Variants in PXDNL observed in about 807,000 individuals in gnomAD.
PXDNL encodes peroxidasin like.
PXDNL carries 145 observed loss-of-function variants against 150.8 expected under a neutral mutation model. That is an observed-to-expected ratio of 0.96 (90% CI 0.84 to 1.10). The LOEUF (loss-of-function observed/expected upper bound fraction) is 1.10, where lower values mean the gene tolerates loss of function less well. PXDNL is among the 50% of genes least tolerant of loss of function. PXDNL has a pLI of 0.00. For missense variants in PXDNL, 2,087 were observed against 1,873.9 expected, an observed-to-expected ratio of 1.11 and a Z score of -2.10; for synonymous variants, 757 against 725.7, an observed-to-expected ratio of 1.04 and a Z score of -0.69.
At chr8:51,563,619 A>G (rs1412765183) in intron 3 of PXDNL, among the ~76,000 whole-genome samples, 1 of 151,968 alleles carries the variant, frequency 6.6e-6, no homozygotes, top group Admixed American at 6.6e-5. Context: ...AATTTACCCA[A>G]ATTGGGCCAA....
intron 19 of PXDNL, among the ~76,000 whole-genome samples, chr8:51,361,960 A>AAAAAAG (rs1563374212): frequency 7.4e-5 from 11 of 148,998 alleles, no homozygotes; most frequent in African/African-American, 2.5e-4. Flanking sequence ...AAAAAAAAAA[A>AAAAAAG]AAAAAGAAAA....
chr8:51,782,170 C>A (rs1043781562), intron 1 of PXDNL, among the ~76,000 whole-genome samples: 1 of 152,158 alleles, frequency 6.6e-6, no homozygotes, highest in Non-Finnish European at 1.5e-5. Context: ...TGGACTCTTA[C>A]AAGGGGCCTA....
At chr8:51,481,960 C>T (rs925827623) in intron 6 of PXDNL, among the ~76,000 whole-genome samples, 2 of 152,294 alleles carry the variant, frequency 1.3e-5, no homozygotes, top group Non-Finnish European at 2.9e-5. Context: ...GGGTTGGAGC[C>T]CCCAGACAGA....
intron 1 of PXDNL, among the ~76,000 whole-genome samples, chr8:51,756,994 C>T (rs2037109219): frequency 6.6e-6 from 1 of 152,082 alleles, no homozygotes; most frequent in Non-Finnish European, 1.5e-5. Flanking sequence ...GTGATTACTT[C>T]TTTTTGTCAA....
chr8:51,341,246 G>A (rs1332908632), intron 20 of PXDNL, among the ~76,000 whole-genome samples: 1 of 152,126 alleles, frequency 6.6e-6, no homozygotes, highest in Non-Finnish European at 1.5e-5. Context: ...TGTATTTATA[G>A]GCAACAATAC....
In PXDNL at chr8:51,483,843, AG is replaced by A; in HGVS notation, c.453-130del. The stretch of plus-strand genomic sequence containing the variant: ...ATTTCAGTGAGAAAGGGCAAACAGA[AG>A]TCAGAGTGTCATTTATACAACCATC... On this transcript the variant is annotated intron_variant, in intron 5 of 22. Coordinates refer to ENST00000356297, the MANE Select transcript of PXDNL (RefSeq NM_144651.5). The A allele has an allele frequency of 6.6e-6, 4 of 609,338 alleles. No individual in the cohort carries two copies. In the South Asian group the frequency reaches 8.1e-5, roughly 12 times the overall value. 37.7% of individuals were successfully genotyped at this position (609,338 alleles called of 1,614,324 possible).
intron 9 of PXDNL, among the ~76,000 whole-genome samples, chr8:51,457,232 G>T (rs1182030121): frequency 6.6e-6 from 1 of 152,158 alleles, no homozygotes; most frequent in Non-Finnish European, 1.5e-5. Flanking sequence ...GGTTCACTCT[G>T]CATAAGGATG....
chr8:51,714,371 G>C (rs1816563722), intron 1 of PXDNL, among the ~76,000 whole-genome samples: 2 of 152,130 alleles, frequency 1.3e-5, no homozygotes, highest in South Asian at 4.1e-4. Flanking sequence ...TAGCACTGAG[G>C]AATAGCATTC....
chr8:51,753,601 A>G (rs1446663255), intron 1 of PXDNL, among the ~76,000 whole-genome samples: 2 of 152,244 alleles, frequency 1.3e-5, no homozygotes, highest in African/African-American at 4.8e-5. Flanking sequence ...ATCGCACACT[A>G]AAAGGTTCAT....
intron 1 of PXDNL, among the ~76,000 whole-genome samples, chr8:51,666,743 C>G (rs1815395542): frequency 6.6e-6 from 1 of 152,200 alleles, no homozygotes; most frequent in Admixed American, 6.5e-5. Flanking sequence ...CCTCCCAAGT[C>G]CCATGCCTGC....
chr8:51,644,318 T>TTATATA (rs1406776100), intron 2 of PXDNL, among the ~76,000 whole-genome samples: 940 of 63,168 alleles, frequency 0.015, 113 homozygotes, highest in African/African-American at 0.029. Flanking sequence ...AGGCACATTT[T>TTATATA]TACATATATA....
At chr8:51,439,824 C>CAAAAAAAAAAAAAAAAAAAAAAAAA (rs36102488) in intron 12 of PXDNL, among the ~76,000 whole-genome samples, 1 of 101,558 alleles carries the variant, frequency 9.8e-6, no homozygotes. Flanking sequence ...GACTCCATCT[C>CAAAAAAAAAAAAAAAAAAAAAAAAA]AAAAAAAAAA....
intron 5 of PXDNL, among the ~76,000 whole-genome samples, chr8:51,484,594 G>C (rs973066167): frequency 6.6e-6 from 1 of 152,146 alleles, no homozygotes; most frequent in Non-Finnish European, 1.5e-5. Flanking sequence ...GAGTCCCGTT[G>C]GGTGCTGCTA....
intron 1 of PXDNL, among the ~76,000 whole-genome samples, chr8:51,685,219 A>AGTC (rs1815846737): frequency 6.6e-6 from 1 of 151,886 alleles, no homozygotes; most frequent in East Asian, 1.9e-4. Flanking sequence ...AATGCAGGTG[A>AGTC]GTTCTGGGCT....
chr8:51,343,190 AAGAAAAGATAG>A (rs768831837), intron 20 of PXDNL, among the ~76,000 whole-genome samples: 26 of 152,288 alleles, frequency 1.7e-4, no homozygotes, highest in Non-Finnish European at 2.6e-4. Context: ...AGACAGAAGA[AAGAAAAGATAG>A]AGAAGAGAGG....
chr8:51,585,195 G>C (rs569391028), intron 3 of PXDNL, among the ~76,000 whole-genome samples: 1 of 152,262 alleles, frequency 6.6e-6, no homozygotes, highest in South Asian at 2.1e-4. Context: ...TTTAAGTCAC[G>C]TTAAGTTTGA....
intron 21 of PXDNL, among the ~76,000 whole-genome samples, chr8:51,325,222 A>C (rs1805446780): frequency 6.6e-6 from 1 of 152,114 alleles, no homozygotes; most frequent in African/African-American, 2.4e-5. Flanking sequence ...TTCAGTGTTG[A>C]TTGCCTGTTT....
At chr8:51,686,961 A>T (rs973519949) in intron 1 of PXDNL, among the ~76,000 whole-genome samples, 1 of 152,264 alleles carries the variant, frequency 6.6e-6, no homozygotes, top group Admixed American at 6.5e-5. Flanking sequence ...AGAAACTTTG[A>T]TAAAGATTAA....
chr8:51,367,329 G>C (rs1329400440), intron 19 of PXDNL, among the ~76,000 whole-genome samples: 1 of 151,908 alleles, frequency 6.6e-6, no homozygotes, highest in Admixed American at 6.6e-5. Flanking sequence ...CATGGAAAAA[G>C]CTGTTTAAAC....
Sources: allele counts gnomAD v4.1 joint callset (sites outside exome capture counted in the v4.1 genomes callset), GRCh38; gene constraint gnomAD v4.1.1; transcripts MANE v1.5; gene names NCBI Gene and HGNC (gene_info 2026-07-23, HGNC 2026-07-21).